The following NEFM variants were observed in gnomAD, a reference collection of about 807,000 sequenced individuals.
The protein encoded by NEFM is neurofilament medium polypeptide.
A neutral mutation model predicts 48.1 loss-of-function variants in NEFM; 16 were observed. The observed-to-expected ratio is 0.33, with a 90% confidence interval of 0.23 to 0.51. NEFM has a LOEUF of 0.51. Among genes scored for constraint, NEFM ranks in the 20% least tolerant of loss-of-function variants. The pLI, the probability that NEFM is intolerant of heterozygous loss-of-function variation, is 0.98. For missense variants in NEFM, 1,107 were observed against 1,136.0 expected (o/e 0.97, Z 0.37); for synonymous variants, 465 against 456.9 (o/e 1.02, Z -0.23).
chr8:24,913,798 G>A lies in NEFM; in HGVS notation c.5G>A (p.Ser2Asn), dbSNP rs753010608. The A allele has an allele frequency of 6.2e-7, 1 of 1,607,870 alleles. No individual in the cohort carries two copies. Among genetic ancestry groups the A allele is most frequent in the Admixed American group, 1.7e-5 (1 of 59,388 alleles). Reference sequence around the variant, plus strand: ...ACACGCCCCAAGGCCTCCAAGATGAGCTACACGTTGGACTCGCTGGGCAAC... The same window carrying A: ...ACACGCCCCAAGGCCTCCAAGATGAACTACACGTTGGACTCGCTGGGCAAC... M[S>N]YTLDSLGNPS... The change falls in exon 1 of 3, where the codon AGC becomes AAC. Residue 2 changes from serine (S) to asparagine (N), a missense_variant. Transcript: ENST00000221166.
chr8:24,917,976 G>A lies in NEFM; in HGVS notation c.2121G>A (p.Lys707=), dbSNP rs775833039. The A allele has an allele frequency of 6.2e-7, 1 of 1,611,106 alleles. No homozygotes were observed. Among genetic ancestry groups the A allele is most frequent in the Non-Finnish European group, 8.5e-7 (1 of 1,178,380 alleles). Residue 707 remains lysine, a synonymous_variant, in exon 3 of 3, where the codon AAG becomes AAA. Transcript: ENST00000221166. ...GKGEQKEEEE[K]EVKEAPKEEK... ...GTGAACAGAAAGAGGAAGAAGAAAA[G>A]GAAGTCAAGGAAGCTCCCAAGGAAG...
chr8:24,914,731 C>T lies in NEFM; in HGVS notation c.938C>T (p.Ala313Val). Residue 313 changes from alanine to valine, a missense_variant, in exon 1 of 3, where the codon GCC becomes GTC. Coordinates refer to ENST00000221166, the MANE Select transcript of NEFM (RefSeq NM_005382.2). Reference protein sequence around the residue: ...AEQNKEAIRSAKEEIAEYRRQ... With the variant: ...AEQNKEAIRSVKEEIAEYRRQ... ...CAGAACAAGGAGGCCATCCGCTCCGCCAAGGAAGAGATCGCCGAGTACCGG... is the reference window on the plus strand; with the variant it reads ...CAGAACAAGGAGGCCATCCGCTCCGTCAAGGAAGAGATCGCCGAGTACCGG... 1 of 1,613,822 alleles carries T rather than the reference C, an allele frequency of 6.2e-7. No individual in the cohort carries two copies. The highest frequency in any genetic ancestry group is 8.5e-7 in the Non-Finnish European group (1 of 1,179,934).
intron 1 of NEFM, 120 bp from the exon 2 acceptor site, chr8:24,915,485 G>A (rs779744261): frequency 4.0e-6 from 6 of 1,487,822 alleles, no homozygotes; most frequent in Non-Finnish European, 5.6e-6. Context: ...AGGTGTCAGC[G>A]AGGTTTGCAG....
chr8:24,917,263 G>C lies in NEFM; in HGVS notation c.1408G>C (p.Glu470Gln). Residue 470 changes from glutamate to glutamine, a missense_variant, in exon 3 of 3, where the codon GAA (glutamate) becomes CAA (glutamine). Around this residue, in one of 3 missense-constraint regions of NEFM, gnomAD observed 917 missense variants for 916.4 expected, o/e 1.00. Transcript: ENST00000221166. ...TKVEDEKSEM[E>Q]EALTAITEEL... ...AGTGGAGGATGAGAAGTCAGAAATG[G>C]AAGAGGCCCTGACAGCCATTACAGA... 1 of 1,614,156 alleles carries C rather than the reference G, an allele frequency of 6.2e-7. No homozygotes were observed.
Position 24,918,754 on chromosome 8 carries a change from G to T in NEFM, c.*148G>T. The T allele has an allele frequency of 1.4e-6, 1 of 708,908 alleles. No homozygotes were observed. Among genetic ancestry groups the T allele is most frequent in the Non-Finnish European group, 2.5e-6 (1 of 397,196 alleles). 43.9% of individuals were successfully genotyped at this position (708,908 alleles called of 1,614,324 possible). ...TATGAGGGGACTGCATGCAAGCTCA[G>T]GGTGCTCCCTCCTCAGTCTTTGGGG... On this transcript the variant is annotated 3_prime_UTR_variant, in exon 3 of 3. Coordinates refer to ENST00000221166, the MANE Select transcript of NEFM (RefSeq NM_005382.2).
In NEFM at chr8:24,918,185, C is replaced by A. The variant is rs112979069; in HGVS notation, c.2330C>A (p.Ala777Glu). 2 of 1,550,876 alleles carry A rather than the reference C, an allele frequency of 1.3e-6. No homozygotes were observed. Among genetic ancestry groups the A allele is most frequent in the African/African-American group, 2.8e-5 (2 of 72,448 alleles). Residue 777 changes from alanine (A) to glutamate (E), a missense_variant, in exon 3 of 3, where the codon GCG becomes GAG. Ala to Glu is a moderately radical substitution (Grantham distance 107, BLOSUM62 -1). Coordinates refer to ENST00000221166, the MANE Select transcript of NEFM (RefSeq NM_005382.2). Reference protein sequence around the residue: ...PLQQEKEKEKAGGEGGSEEEG... With the variant: ...PLQQEKEKEKEGGEGGSEEEG... ...CAGCAGGAGAAAGAGAAGGAGAAAGCGGGAGGAGAGGGAGGAAGTGAGGAG... is the reference window on the plus strand; with the variant it reads ...CAGCAGGAGAAAGAGAAGGAGAAAGAGGGAGGAGAGGGAGGAAGTGAGGAG...
At position 24,914,371 on chromosome 8, in the gene NEFM, C is replaced by A. The variant is rs200725476; in HGVS notation, c.578C>A (p.Ala193Glu). The change falls in exon 1 of 3, where the codon GCG becomes GAG. Residue 193 changes from alanine (A) to glutamate (E), a missense_variant. Physicochemically the swap from Ala to Glu is moderately radical, Grantham distance 107. Transcript: ENST00000221166. ...HRLKERFEEE[A>E]RLRDDTEAAI... ...CTCAAGGAGCGCTTTGAGGAGGAGG[C>A]GCGGTTGCGCGACGACACTGAGGCG... is the stretch of plus-strand genomic sequence containing the variant. The A allele has an allele frequency of 1.7e-4, 272 of 1,613,406 alleles. No individual in the cohort carries two copies. Among genetic ancestry groups the A allele is most frequent in the Middle Eastern group, 3.3e-4 (2 of 6,068 alleles).
Position 24,915,756 on chromosome 8 carries a change from G to A in NEFM, c.1205+27G>A, listed in dbSNP as rs565997828. On this transcript the variant is annotated intron_variant, in intron 2 of 2. Coordinates refer to ENST00000221166, the MANE Select transcript of NEFM (RefSeq NM_005382.2). ...TACGATGCTTACTACGTGCGTGGCC[G>A]GAACACTAACCGCAGTGCAGAGGCT... is the stretch of plus-strand genomic sequence containing the variant. 7.4e-6 allele frequency: 12 copies of A among 1,613,752 alleles called. No homozygotes were observed. The East Asian group carries it at 8.9e-5, about 12-fold the overall frequency.
In NEFM at chr8:24,918,698, G is replaced by A; in HGVS notation, c.*92G>A. On this transcript the variant is annotated 3_prime_UTR_variant, in exon 3 of 3. Coordinates refer to ENST00000221166, the MANE Select transcript of NEFM (RefSeq NM_005382.2). ...AAAACAGAACGGGTTCTCCCATGGGGGCTCCAGACATTGTATTTTACTTTG... is the reference window on the plus strand; with the variant it reads ...AAAACAGAACGGGTTCTCCCATGGGAGCTCCAGACATTGTATTTTACTTTG... The A allele has an allele frequency of 1.1e-6, 1 of 912,340 alleles. No homozygotes were observed. Among genetic ancestry groups the A allele is most frequent in the Non-Finnish European group, 1.8e-6 (1 of 554,520 alleles). 56.5% of individuals were successfully genotyped at this position (912,340 alleles called of 1,614,324 possible). A position where few individuals can be genotyped will look rare whatever the true frequency, so the allele number is the denominator to read the frequency against.
At position 24,914,630 on chromosome 8, in the gene NEFM, C is replaced by A. The variant is rs57688534; in HGVS notation, c.837C>A (p.Ser279Arg). The change falls in exon 1 of 3, where the codon AGC (serine) becomes AGA (arginine). Residue 279 changes from serine to arginine, a missense_variant. Coordinates refer to ENST00000221166, the MANE Select transcript of NEFM (RefSeq NM_005382.2). ...ALKEIRSQLE[S>R]HSDQNMHQAE... ...AGGAAATCCGCTCCCAGCTCGAAAG[C>A]CACTCAGACCAGAATATGCACCAGG... The A allele has an allele frequency of 2.1e-4, 337 of 1,614,088 alleles. 1 individual carries two copies. Among genetic ancestry groups the A allele is most frequent in the Non-Finnish European group, 2.7e-4 (323 of 1,180,050 alleles).
At chr8:24,916,219 A>G (rs890625207) in intron 2 of NEFM, among the ~76,000 whole-genome samples, 10 of 152,182 alleles carry the variant, frequency 6.6e-5, no homozygotes, top group Non-Finnish European at 1.5e-4. Flanking sequence ...TCTTTTATAT[A>G]TGTAGATAAT....
chr8:24,915,551 G>A, intron 1 of NEFM, 54 bp from the exon 2 acceptor site: 1 of 1,611,184 alleles, frequency 6.2e-7, no homozygotes, highest in Non-Finnish European at 8.5e-7. Flanking sequence ...GGTTTGCGAA[G>A]GAAGTTGCTG....
chr8:24,917,693 C>G lies in NEFM; in HGVS notation c.1838C>G (p.Ala613Gly), dbSNP rs1017254695. Residue 613 changes from alanine to glycine, a missense_variant, in exon 3 of 3, where the codon GCC (alanine) becomes GGC (glycine). Coordinates refer to ENST00000221166, the MANE Select transcript of NEFM (RefSeq NM_005382.2). ...ADAKVEKPEK[A>G]KSPVPKSPVE... Reference sequence around the variant, plus strand: ...GCCAAGGTGGAAAAGCCAGAAAAAGCCAAGTCTCCTGTGCCAAAATCACCA... The same window carrying G: ...GCCAAGGTGGAAAAGCCAGAAAAAGGCAAGTCTCCTGTGCCAAAATCACCA... 3.7e-6 allele frequency: 6 copies of G among 1,613,212 alleles called. No individual in the cohort carries two copies. Among genetic ancestry groups the G allele is most frequent in the Non-Finnish European group, 5.1e-6 (6 of 1,179,944 alleles).
At chr8:24,915,822 G>A (rs1802565196) in intron 2 of NEFM, 93 bp downstream of exon 2, 3 of 1,553,212 alleles carry the variant, frequency 1.9e-6, no homozygotes, top group Middle Eastern at 1.9e-4. Context: ...AAGCAGGCAG[G>A]GTGCAGGCAT....
chr8:24,915,284 A>C, intron 1 of NEFM: 1 of 1,286,558 alleles, frequency 7.8e-7, no homozygotes, highest in Non-Finnish European at 9.9e-7. Flanking sequence ...AAGGGCTCAG[A>C]TGGGAATGGC....
chr8:24,918,378 AAAG>A lies in NEFM; in HGVS notation c.2527_2529del (p.Lys843del). Reference sequence around the variant, plus strand: ...GCCTAGACTTGAGCCCAGCAGATGAAAAGAAGGGGGGTGATAAAAGTGAGGAGA... The same window carrying A: ...GCCTAGACTTGAGCCCAGCAGATGAAAAGGGGGGTGATAAAAGTGAGGAGA... On this transcript the variant is annotated inframe_deletion, in exon 3 of 3. Coordinates refer to ENST00000221166, the MANE Select transcript of NEFM (RefSeq NM_005382.2). 1 of 1,614,096 alleles carries A rather than the reference AAAG, an allele frequency of 6.2e-7. No homozygotes were observed. The highest frequency in any genetic ancestry group is 1.3e-5 in the African/African-American group (1 of 75,020).
At chr8:24,916,221 G>A (rs1802570742) in intron 2 of NEFM, among the ~76,000 whole-genome samples, 1 of 152,032 alleles carries the variant, frequency 6.6e-6, no homozygotes, top group South Asian at 2.1e-4. Context: ...TTTTATATAT[G>A]TAGATAATTT....
Position 24,918,654 on chromosome 8 carries a change from G to A in NEFM, c.*48G>A. 7.4e-7 allele frequency: 1 copy of A among 1,347,624 alleles called. No homozygotes were observed. The highest frequency in any genetic ancestry group is 1.1e-6 in the Non-Finnish European group (1 of 946,272). The allele number at this position is 1,347,624 out of a possible 1,614,324, so 83.5% of individuals were successfully genotyped here. A position where few individuals can be genotyped will look rare whatever the true frequency, so the allele number is the denominator to read the frequency against. On this transcript the variant is annotated 3_prime_UTR_variant, in exon 3 of 3. Transcript: ENST00000221166. ...TTAAGCCATATGACAATTTCAAAAT[G>A]CATGTGATTGGCAGCTTCAAAACAG... is the stretch of plus-strand genomic sequence containing the variant.
At chr8:24,915,852 C>A in intron 2 of NEFM, 123 bp downstream of exon 2, 1 of 1,245,134 alleles carries the variant, frequency 8.0e-7, no homozygotes, top group Non-Finnish European at 1.2e-6. Flanking sequence ...ACCTGGTTAT[C>A]TTGCTTACTT....
Sources: gnomAD v4.1 joint callset for allele counts (sites outside exome capture counted in the v4.1 genomes callset) on GRCh38, gnomAD v4.1.1 for gene constraint, gnomAD v4.1.1 regional missense constraint, MANE v1.5 for transcripts, NCBI Gene and HGNC (gene_info 2026-07-23, HGNC 2026-07-21) for gene names.